The following MYOF variants were observed in gnomAD, a reference collection of about 807,000 sequenced individuals.
The protein encoded by MYOF is fer-1-like 3, myoferlin.
Under a neutral mutation model 284.2 loss-of-function variants are expected in MYOF, and 244 were observed. The ratio of observed to expected loss-of-function variants is 0.86; its 90% confidence interval spans 0.77 to 0.95. The LOEUF (loss-of-function observed/expected upper bound fraction) is 0.95, where lower values mean the gene tolerates loss of function less well. Among genes scored for constraint, MYOF ranks in the 40% least tolerant of loss-of-function variants. MYOF has a pLI of 0.00. For missense variants in MYOF, 2,496 were observed against 2,560.6 expected (o/e 0.97, Z 0.54); for synonymous variants, 904 against 919.7 (o/e 0.98, Z 0.31).
chr10:93,357,555 T>TA (rs1288687625), intron 29 of MYOF, among the ~76,000 whole-genome samples: 4 of 152,260 alleles, frequency 2.6e-5, no homozygotes, highest in Non-Finnish European at 4.4e-5. Context: ...AAGTTTGATT[T>TA]AAAATCTTAA....
chr10:93,434,430 CA>C (rs71031508), intron 3 of MYOF, among the ~76,000 whole-genome samples: 71,213 of 123,680 alleles, frequency 0.58, 19,575 homozygotes, highest in Non-Finnish European at 0.65. Context: ...GACCCTGTCT[CA>C]AAAAAAAAAA....
chr10:93,338,250 T>C (rs886650195), intron 39 of MYOF: 7 of 457,896 alleles, frequency 1.5e-5, no homozygotes, highest in Non-Finnish European at 2.5e-5. Flanking sequence ...CATATACATA[T>C]AAATTTAAAG....
intron 28 of MYOF, 110 bp downstream of exon 28, chr10:93,361,342 C>T: frequency 9.5e-7 from 1 of 1,048,160 alleles, no homozygotes. Flanking sequence ...GCTGGGGACT[C>T]CTGCCATAGA....
At chr10:93,324,215 A>G (rs1443506706) in intron 46 of MYOF, 2 of 152,244 alleles carry the variant, frequency 1.3e-5, no homozygotes, top group Non-Finnish European at 2.9e-5. Context: ...TATATTCTTC[A>G]AACTGTTTTT....
rs765036657 is a variant in MYOF, at chr10:93,399,400, C to T, written c.1213G>A (p.Gly405Arg). 1.2e-5 allele frequency: 20 copies of T among 1,609,058 alleles called. No individual in the cohort carries two copies. In the South Asian group the frequency reaches 1.5e-4, roughly 12 times the overall value. Residue 405 changes from glycine to arginine, a missense_variant, in exon 13 of 54, where the codon GGA becomes AGA. Physicochemically the swap from Gly to Arg is moderately radical, Grantham distance 125 (BLOSUM62 -2). Coordinates refer to ENST00000359263, the MANE Select transcript of MYOF (RefSeq NM_013451.4). ...VDPFVEVSFA[G>R]KKVCTNIIEK... ...TTAGATCATGTACAAACCTTTTTTC[C>T]AGCAAAGGAAACTTCTACAAAAGGA...
chr10:93,382,774 T>G (rs1026274286), intron 19 of MYOF, among the ~76,000 whole-genome samples: 2 of 152,240 alleles, frequency 1.3e-5, no homozygotes, highest in African/African-American at 4.8e-5. Flanking sequence ...TAGGTTGCTG[T>G]GTTTCATTAT....
chr10:93,323,220 C>A (rs1196675421), intron 47 of MYOF, 47 bp from the exon 48 acceptor site: 1 of 1,613,398 alleles, frequency 6.2e-7, no homozygotes, highest in Admixed American at 1.7e-5. Context: ...GGTCCTGGAC[C>A]AAGTCCCCAG....
At chr10:93,353,936 ACTG>A (rs774280414) in intron 31 of MYOF, 48 bp from the exon 32 acceptor site, 4 of 1,427,484 alleles carry the variant, frequency 2.8e-6, no homozygotes, top group East Asian at 2.3e-5. Context: ...AACACTGTAA[ACTG>A]CTATTTTACT....
intron 3 of MYOF, among the ~76,000 whole-genome samples, chr10:93,447,763 C>T (rs184734934): frequency 7.2e-4 from 109 of 152,152 alleles, no homozygotes; most frequent in African/African-American, 2.4e-3. Flanking sequence ...CAAAAATGCC[C>T]GAAATGAGTG....
chr10:93,473,527 A>G (rs890475231), intron 1 of MYOF, among the ~76,000 whole-genome samples: 9 of 152,258 alleles, frequency 5.9e-5, no homozygotes, highest in Admixed American at 5.9e-4. Flanking sequence ...CAACAATTAT[A>G]GACAATATGC....
intron 3 of MYOF, among the ~76,000 whole-genome samples, chr10:93,446,823 T>C (rs2056444282): frequency 6.6e-6 from 1 of 151,394 alleles, no homozygotes; most frequent in South Asian, 2.1e-4. Context: ...CAGGTTCGAG[T>C]GATTCTTGTG....
chr10:93,390,105 C>T (rs763732742), intron 17 of MYOF, among the ~76,000 whole-genome samples: 1 of 152,222 alleles, frequency 6.6e-6, no homozygotes, highest in Non-Finnish European at 1.5e-5. Flanking sequence ...TTCCTGCTAT[C>T]GATGAGGTTG....
intron 24 of MYOF, 104 bp downstream of exon 24, chr10:93,372,826 C>T: frequency 7.4e-7 from 1 of 1,357,984 alleles, no homozygotes; most frequent in Non-Finnish European, 1.0e-6. Context: ...TGATCCCAAT[C>T]ACCCTTACCA....
intron 21 of MYOF, among the ~76,000 whole-genome samples, chr10:93,378,915 C>T (rs1845986045): frequency 6.6e-6 from 1 of 151,740 alleles, no homozygotes; most frequent in Admixed American, 6.6e-5. Flanking sequence ...AGGGTTTCAC[C>T]ATGCTGGCCA....
intron 1 of MYOF, among the ~76,000 whole-genome samples, chr10:93,470,854 G>A (rs2057130689): frequency 6.6e-6 from 1 of 152,158 alleles, no homozygotes; most frequent in Non-Finnish European, 1.5e-5. Context: ...TTGGATCAAT[G>A]CTTGTTGAAT....
intron 5 of MYOF, chr10:93,425,671 G>T (rs989043955): frequency 9.9e-6 from 2 of 201,418 alleles, no homozygotes; most frequent in African/African-American, 2.3e-5. Flanking sequence ...TGAGAGCAGA[G>T]CCCGGTGGTG....
chr10:93,401,285 A>T, intron 12 of MYOF, 133 bp downstream of exon 12: 2 of 1,290,154 alleles, frequency 1.6e-6, no homozygotes, highest in Non-Finnish European at 2.1e-6. Flanking sequence ...GAATGAATGA[A>T]AATAAGCCCA....
At chr10:93,310,257 T>C (rs987994761) in intron 52 of MYOF, 90 bp from the exon 53 acceptor site, 33 of 1,485,084 alleles carry the variant, frequency 2.2e-5, no homozygotes, top group Non-Finnish European at 2.9e-5. Flanking sequence ...GAATAAAGAA[T>C]CACATTAATA....
intron 24 of MYOF, among the ~76,000 whole-genome samples, chr10:93,372,312 G>A (rs112039127): frequency 5.4e-4 from 82 of 152,196 alleles, no homozygotes; most frequent in African/African-American, 1.8e-3. Flanking sequence ...TTCTTAATAC[G>A]GGGCCCTGGA....
Sources: allele counts gnomAD v4.1 joint callset (sites outside exome capture counted in the v4.1 genomes callset), GRCh38; gene constraint gnomAD v4.1.1; transcripts MANE v1.5; gene names NCBI Gene and HGNC (gene_info 2026-07-23, HGNC 2026-07-21).